SCAMP1: variants seen among roughly 807,000 people sequenced by gnomAD.
SCAMP1 encodes the protein secretory carrier-associated membrane protein 1.
Under a neutral mutation model 41.8 loss-of-function variants are expected in SCAMP1, and 15 were observed. That is an observed-to-expected ratio of 0.36 (90% CI 0.24 to 0.55). The LOEUF (loss-of-function observed/expected upper bound fraction) is 0.55, where lower values mean the gene tolerates loss of function less well. SCAMP1 is among the 20% of genes least tolerant of loss of function. The pLI, the probability that SCAMP1 is intolerant of heterozygous loss-of-function variation, is 0.86. For missense variants in SCAMP1, 341 were observed against 412.6 expected (o/e 0.83, Z 1.50); for synonymous variants, 135 against 136.8 (o/e 0.99, Z 0.09).
intron 2 of SCAMP1, among the ~76,000 whole-genome samples, chr5:78,414,573 G>A (rs539904772): frequency 2.0e-5 from 3 of 152,234 alleles, no homozygotes; most frequent in East Asian, 1.9e-4. Flanking sequence ...AGGACACTGC[G>A]CCCGGCCAGC....
rs73135742 is a variant in SCAMP1, at chr5:78,465,677, G to T, written c.852+6315G>T. On this transcript the variant is annotated intron_variant, in intron 8 of 8. Transcript: ENST00000621999. ...CATTTTATATTCAGGGTCTGGTTTA[G>T]TGTCTACTTTTGTTTAGTAGATGCC... Among the ~76,000 whole-genome samples the T allele has an allele frequency of 8.5e-3, 1,300 of 152,292 alleles. 21 individuals are homozygous for T. The highest frequency in any genetic ancestry group is 0.029 in the African/African-American group (1,215 of 41,560).
At position 78,457,464 on chromosome 5, in the gene SCAMP1, C is replaced by T. The variant is rs6870160; in HGVS notation, c.735-1781C>T. Among the ~76,000 whole-genome samples, 76 of 152,152 alleles carry T rather than the reference C, an allele frequency of 5.0e-4. No homozygotes were observed. In the East Asian group the frequency reaches 0.011, roughly 23 times the overall value. On this transcript the variant is annotated intron_variant, in intron 7 of 8. Coordinates refer to ENST00000621999, the MANE Select transcript of SCAMP1 (RefSeq NM_004866.6). Reference sequence around the variant, plus strand: ...CTGTCGTGTAAGGTGTCAGTGTGCCCCTGCTGGGGGGTGCCTCCCAGTTAG... The same window carrying T: ...CTGTCGTGTAAGGTGTCAGTGTGCCTCTGCTGGGGGGTGCCTCCCAGTTAG...
intron 7 of SCAMP1, among the ~76,000 whole-genome samples, chr5:78,458,242 CTG>C (rs1215075830): frequency 1.3e-5 from 2 of 152,192 alleles, no homozygotes; most frequent in African/African-American, 2.4e-5. Context: ...AACAGACAAA[CTG>C]TTCTCTAGAA....
At chr5:78,361,208 G>A (rs1750640351) in intron 1 of SCAMP1, among the ~76,000 whole-genome samples, 1 of 151,416 alleles carries the variant, frequency 6.6e-6, no homozygotes, top group Non-Finnish European at 1.5e-5. Context: ...GAGGAGAGAG[G>A]TGAGGGCACC....
intron 7 of SCAMP1, among the ~76,000 whole-genome samples, chr5:78,453,964 C>G (rs978026173): frequency 1.7e-4 from 26 of 152,278 alleles, no homozygotes; most frequent in African/African-American, 6.0e-4. Flanking sequence ...AATGGGAGTT[C>G]ACTCATGATT....
In SCAMP1 at chr5:78,372,237, C is replaced by A. The variant is rs191076565; in HGVS notation, c.57+11509C>A. Among the ~76,000 whole-genome samples, 5 of 152,276 alleles carry A rather than the reference C, an allele frequency of 3.3e-5. No homozygotes were observed. The East Asian group carries it at 9.6e-4, about 29-fold the overall frequency. On this transcript the variant is annotated intron_variant, in intron 1 of 8. Coordinates refer to ENST00000621999, the MANE Select transcript of SCAMP1 (RefSeq NM_004866.6). ...GATAATTTGGGATATATGGAGAGCACTGTCAAGTGAAAGTGGTAGGTAATG... is the reference window on the plus strand; with the variant it reads ...GATAATTTGGGATATATGGAGAGCAATGTCAAGTGAAAGTGGTAGGTAATG...
intron 2 of SCAMP1, among the ~76,000 whole-genome samples, chr5:78,406,977 A>T (rs1289606738): frequency 1.3e-5 from 2 of 152,198 alleles, no homozygotes; most frequent in African/African-American, 2.4e-5. Context: ...TCCCAGGTAC[A>T]GCCAAAGTAG....
chr5:78,465,561 G>A (rs1003661718), intron 8 of SCAMP1, among the ~76,000 whole-genome samples: 1 of 152,358 alleles, frequency 6.6e-6, no homozygotes, highest in South Asian at 2.1e-4. Context: ...CATAGGGTTG[G>A]TGTGAGGATT....
At chr5:78,458,402 G>A (rs1400489260) in intron 7 of SCAMP1, among the ~76,000 whole-genome samples, 1 of 152,074 alleles carries the variant, frequency 6.6e-6, no homozygotes, top group Non-Finnish European at 1.5e-5. Flanking sequence ...ATCTTTTCAT[G>A]TGCTTATTTG....
intron 1 of SCAMP1, among the ~76,000 whole-genome samples, chr5:78,372,186 T>G (rs1213767000): frequency 6.6e-6 from 1 of 152,200 alleles, no homozygotes; most frequent in East Asian, 1.9e-4. Flanking sequence ...GTGGAAATCC[T>G]CTAATGGTGG....
chr5:78,403,848 C>A (rs6863120), intron 2 of SCAMP1, among the ~76,000 whole-genome samples: 42,543 of 148,754 alleles, frequency 0.29, 6,299 homozygotes, highest in East Asian at 0.54. Context: ...GCCTGTAGTC[C>A]CAGCTACTTG....
chr5:78,459,121 C>G, intron 7 of SCAMP1, 124 bp from the exon 8 acceptor site: 2 of 660,126 alleles, frequency 3.0e-6, no homozygotes, highest in South Asian at 1.7e-5. Flanking sequence ...ATTAAATGCA[C>G]TAATACACAT....
chr5:78,422,394 A>C (rs1752359535), intron 6 of SCAMP1, among the ~76,000 whole-genome samples: 1 of 152,066 alleles, frequency 6.6e-6, no homozygotes, highest in Non-Finnish European at 1.5e-5. Context: ...GCACCTAGCA[A>C]CTTGGATTAT....
At position 78,458,623 on chromosome 5, in the gene SCAMP1, C is replaced by T. The variant is rs973551761; in HGVS notation, c.735-622C>T. ...ATAATAGGCCAGGTGCAGTGGCTCA[C>T]GCTATAATCCCAGTTTGGGAGGCCG... is the stretch of plus-strand genomic sequence containing the variant. On this transcript the variant is annotated intron_variant, in intron 7 of 8. Coordinates refer to ENST00000621999, the MANE Select transcript of SCAMP1 (RefSeq NM_004866.6). 1.1e-4 allele frequency among the ~76,000 whole-genome samples: 16 copies of T among 152,206 alleles called. 1 individual carries two copies. In the East Asian group the frequency reaches 1.5e-3, roughly 15 times the overall value.
At chr5:78,441,747 G>A (rs988504993) in intron 6 of SCAMP1, among the ~76,000 whole-genome samples, 1 of 152,240 alleles carries the variant, frequency 6.6e-6, no homozygotes, top group Non-Finnish European at 1.5e-5. Context: ...AGAATTGCCT[G>A]AACCTGGGAG....
intron 6 of SCAMP1, among the ~76,000 whole-genome samples, chr5:78,432,182 T>C (rs992552497): frequency 1.3e-5 from 2 of 152,178 alleles, no homozygotes; most frequent in Admixed American, 1.3e-4. Flanking sequence ...TCACTACTTT[T>C]GCTTTAGATT....
chr5:78,438,148 T>G (rs1256981918), intron 6 of SCAMP1, among the ~76,000 whole-genome samples: 1 of 152,198 alleles, frequency 6.6e-6, no homozygotes, highest in Non-Finnish European at 1.5e-5. Flanking sequence ...ATTTTGTAGA[T>G]CTTTTCAAAA....
intron 6 of SCAMP1, among the ~76,000 whole-genome samples, chr5:78,447,865 C>G (rs866355508): frequency 8.1e-5 from 3 of 37,026 alleles, no homozygotes; most frequent in Middle Eastern, 0.016. Context: ...TCCCCTGCCC[C>G]CCTTCCCCTA....
In SCAMP1 at chr5:78,404,453, G is replaced by GTTTTTTTTTTTTTTTTTTTTTTTTTTTT. The variant is rs3058233; in HGVS notation, c.136-11047_136-11046insTTTTTTTTTTTTTTTTTTTTTTTTTTTT. Among the ~76,000 whole-genome samples the GTTTTTTTTTTTTTTTTTTTTTTTTTTTT allele has an allele frequency of 2.3e-4, 23 of 98,180 alleles. 4 individuals carry two copies. The highest frequency in any genetic ancestry group is 9.4e-4 in the African/African-American group (21 of 22,238). 64.4% of individuals were successfully genotyped at this position (98,180 alleles called of 152,430 possible). A position where few individuals can be genotyped will look rare whatever the true frequency, so the allele number is the denominator to read the frequency against. On this transcript the variant is annotated intron_variant, in intron 2 of 8. Coordinates refer to ENST00000621999, the MANE Select transcript of SCAMP1 (RefSeq NM_004866.6). ...TGAGCCACTGTGCCCAGCCTTACAG[G>GTTTTTTTTTTTTTTTTTTTTTTTTTTTT]TTTTTTTTTTTTTTTTTTTTGCTAG...
Sources: allele counts gnomAD v4.1 joint callset (sites outside exome capture counted in the v4.1 genomes callset), GRCh38; gene constraint gnomAD v4.1.1; transcripts MANE v1.5; gene names NCBI Gene and HGNC (gene_info 2026-07-23, HGNC 2026-07-21).